EMC2: variants seen among roughly 807,000 people sequenced by gnomAD.
EMC2 encodes TPR repeat protein 35.
Under a neutral mutation model 51.6 loss-of-function variants are expected in EMC2, and 37 were observed. The ratio of observed to expected loss-of-function variants is 0.72; its 90% CI spans 0.55 to 0.94. The LOEUF is 0.94. Among genes scored for constraint, EMC2 ranks in the 40% least tolerant of loss-of-function variants. The pLI is 0.00. For synonymous variants in EMC2, 131 were observed against 112.4 expected, an observed-to-expected ratio of 1.17 and a Z score of -1.04; for missense variants, 359 against 350.9, an observed-to-expected ratio of 1.02 and a Z score of -0.18.
At chr8:108,451,393 A>C (rs1206244638) in intron 3 of EMC2, among the ~76,000 whole-genome samples, 1 of 152,186 alleles carries the variant, frequency 6.6e-6, no homozygotes, top group Non-Finnish European at 1.5e-5. Flanking sequence ...TTTATAAATC[A>C]GAAAGCAGAG....
chr8:108,450,426 A>G lies in EMC2; in HGVS notation c.155-2A>G. The G allele has an allele frequency of 6.3e-7, 1 of 1,582,606 alleles. No homozygotes were observed. Among genetic ancestry groups the G allele is most frequent in the South Asian group, 1.1e-5 (1 of 90,352 alleles). On this transcript the variant is annotated splice_acceptor_variant, in intron 2 of 10. Coordinates refer to ENST00000220853, the MANE Select transcript of EMC2 (RefSeq NM_014673.5). LOFTEE classifies it high-confidence loss of function. ...TTTTTTTCCCCCTTTATGTGTATCT[A>G]GTTTGGATCATATATGAACAGGTGA...
At chr8:108,457,370 GTGTCTATGTATTAGTCCATTTTCATGC>G (rs1165004256) in intron 5 of EMC2, among the ~76,000 whole-genome samples, 61 of 142,830 alleles carry the variant, frequency 4.3e-4, no homozygotes, top group African/African-American at 1.5e-3. Flanking sequence ...GTGTGTGTGT[GTGTCTATGTATTAGTCCATTTTCATGC>G]TGTCTATGTA....
intron 1 of EMC2, among the ~76,000 whole-genome samples, chr8:108,444,266 T>G (rs940818916): frequency 2.0e-5 from 3 of 152,218 alleles, no homozygotes; most frequent in African/African-American, 7.2e-5. Flanking sequence ...AAAACACATT[T>G]ACACACACAA....
chr8:108,470,214 G>A (rs1010424403), intron 7 of EMC2, 93 bp downstream of exon 7: 3 of 767,004 alleles, frequency 3.9e-6, no homozygotes, highest in Non-Finnish European at 6.6e-6. Flanking sequence ...TGGTGAGAGG[G>A]TGTGAATCAT....
rs1265216000 is a variant in EMC2 at position 108,488,145 on chromosome 8, T to C, written c.*1547T>C. ...GTAATAAGTAATTCAGTGCCTCTTATAGCTGTCTGCCTTAGTTTCACTTTT... is the reference window on the plus strand; with the variant it reads ...GTAATAAGTAATTCAGTGCCTCTTACAGCTGTCTGCCTTAGTTTCACTTTT... On this transcript the variant is annotated 3_prime_UTR_variant, in exon 11 of 11. Transcript: ENST00000220853. Among the ~76,000 whole-genome samples, 10 of 151,036 alleles carry C rather than the reference T, an allele frequency of 6.6e-5. No individual in the cohort carries two copies. The highest frequency in any genetic ancestry group is 1.0e-4 in the Non-Finnish European group (7 of 67,882).
At position 108,472,772 on chromosome 8, in the gene EMC2, C is replaced by T. The variant is rs188960273; in HGVS notation, c.509+2651C>T. ...CACAGTGGCAAAAACGTAGCAGTTTCGAAAATGTCAGATATATTTAACATT... is the reference window on the plus strand; with the variant it reads ...CACAGTGGCAAAAACGTAGCAGTTTTGAAAATGTCAGATATATTTAACATT... On this transcript the variant is annotated intron_variant, in intron 7 of 10. Coordinates refer to ENST00000220853, the MANE Select transcript of EMC2 (RefSeq NM_014673.5). 2.5e-4 allele frequency among the ~76,000 whole-genome samples: 38 copies of T among 151,904 alleles called. No individual in the cohort carries two copies. In the East Asian group the frequency reaches 5.4e-3, roughly 22 times the overall value.
chr8:108,475,863 C>T lies in EMC2; in HGVS notation c.510-19C>T, dbSNP rs779424694. On this transcript the variant is annotated intron_variant, in intron 7 of 10. Transcript: ENST00000220853. ...TTTGTGACTTTAAAAATTAATTTCTCCTCTTGATGTGTTTTTAGCTATGCA... is the reference window on the plus strand; with the variant it reads ...TTTGTGACTTTAAAAATTAATTTCTTCTCTTGATGTGTTTTTAGCTATGCA... 2.1e-6 allele frequency: 3 copies of T among 1,445,186 alleles called. No individual in the cohort carries two copies. Among genetic ancestry groups the T allele is most frequent in the South Asian group, 2.5e-5 (2 of 80,442 alleles). 89.5% of individuals were successfully genotyped at this position (1,445,186 alleles called of 1,614,324 possible). A position where few individuals can be genotyped will look rare whatever the true frequency, so the allele number is the denominator to read the frequency against.
chr8:108,479,877 G>T (rs1811016237), intron 10 of EMC2, among the ~76,000 whole-genome samples: 1 of 152,116 alleles, frequency 6.6e-6, no homozygotes, highest in Non-Finnish European at 1.5e-5. Context: ...GACTTCAGGT[G>T]CAGGCATCAC....
At chr8:108,443,763 G>T in intron 1 of EMC2, 65 bp downstream of exon 1, 1 of 1,418,626 alleles carries the variant, frequency 7.0e-7, no homozygotes, top group Admixed American at 1.9e-5. Flanking sequence ...GGGAGTACCC[G>T]CTGCTTTCGG....
intron 1 of EMC2, among the ~76,000 whole-genome samples, chr8:108,447,153 A>G (rs539596089): frequency 2.0e-5 from 3 of 152,290 alleles, no homozygotes; most frequent in Admixed American, 6.5e-5. Flanking sequence ...TGCATTTACA[A>G]AGGATTCTAA....
intron 2 of EMC2, 141 bp from the exon 3 acceptor site, chr8:108,450,287 A>T (rs1400867467): frequency 6.0e-5 from 38 of 635,208 alleles, no homozygotes; most frequent in Non-Finnish European, 1.0e-4. Flanking sequence ...ATGCATTCTT[A>T]GTTTCAGAGA....
chr8:108,473,051 T>C (rs1479440044), intron 7 of EMC2, among the ~76,000 whole-genome samples: 2 of 151,954 alleles, frequency 1.3e-5, no homozygotes, highest in Non-Finnish European at 2.9e-5. Flanking sequence ...TATAGTATAA[T>C]TTTCATATAG....
intron 3 of EMC2, among the ~76,000 whole-genome samples, chr8:108,452,078 A>G (rs763276461): frequency 1.3e-5 from 2 of 152,176 alleles, no homozygotes; most frequent in Non-Finnish European, 2.9e-5. Flanking sequence ...TATTTGTATC[A>G]TCTTTAACAT....
Position 108,468,349 on chromosome 8 carries a change from T to G in EMC2, c.364-1477T>G, listed in dbSNP as rs543024139. Among the ~76,000 whole-genome samples, 3 of 152,310 alleles carry G rather than the reference T, an allele frequency of 2.0e-5. No individual in the cohort carries two copies. The South Asian group carries it at 6.2e-4, about 32-fold the overall frequency. On this transcript the variant is annotated intron_variant, in intron 5 of 10. Coordinates refer to ENST00000220853, the MANE Select transcript of EMC2 (RefSeq NM_014673.5). ...TATTGTGGCACATTTTTGTTTTACT[T>G]AGTAAACTTATTTTAAAAATATTTG...
At position 108,450,423 on chromosome 8, in the gene EMC2, T is replaced by C; in HGVS notation, c.155-5T>C. On this transcript the variant is annotated splice_polypyrimidine_tract_variant and splice_region_variant and intron_variant, in intron 2 of 10. Transcript: ENST00000220853. ...CAGTTTTTTTCCCCCTTTATGTGTA[T>C]CTAGTTTGGATCATATATGAACAGG... is the stretch of plus-strand genomic sequence containing the variant. The C allele has an allele frequency of 6.3e-7, 1 of 1,578,278 alleles. No individual in the cohort carries two copies. The highest frequency in any genetic ancestry group is 8.7e-7 in the Non-Finnish European group (1 of 1,147,636).
rs1810816302 is a variant in EMC2 at position 108,469,840 on chromosome 8, T to C, written c.378T>C (p.Arg126=). The change falls in exon 6 of 11, where the codon CGT becomes CGC. Residue 126 remains arginine (R), a synonymous_variant. Coordinates refer to ENST00000220853, the MANE Select transcript of EMC2 (RefSeq NM_014673.5). ...TCAACCCACAGGCTGCAAGAAAGCG[T>C]AAGATTGCCATTCGAAAAGCCCAGG... The part of the protein sequence containing the change: ...EDPTNTAARK[R]KIAIRKAQGK... 6.2e-7 allele frequency: 1 copy of C among 1,613,260 alleles called. No homozygotes were observed. Among genetic ancestry groups the C allele is most frequent in the Non-Finnish European group, 8.5e-7 (1 of 1,179,450 alleles).
chr8:108,483,481 T>G (rs780057724), intron 10 of EMC2, among the ~76,000 whole-genome samples: 1 of 152,186 alleles, frequency 6.6e-6, no homozygotes, highest in Non-Finnish European at 1.5e-5. Context: ...TATAAATGAG[T>G]TCATAGGTTA....
At chr8:108,481,092 T>C (rs1811036870) in intron 10 of EMC2, among the ~76,000 whole-genome samples, 1 of 152,158 alleles carries the variant, frequency 6.6e-6, no homozygotes, top group Non-Finnish European at 1.5e-5. Flanking sequence ...CTTGATGACA[T>C]AGTCACATTC....
intron 5 of EMC2, among the ~76,000 whole-genome samples, chr8:108,469,076 A>T (rs1008113053): frequency 1.3e-5 from 2 of 152,112 alleles, no homozygotes; most frequent in Non-Finnish European, 2.9e-5. Flanking sequence ...AACACCCTAG[A>T]TATCCCTGTC....
Sources: gnomAD v4.1 joint callset for allele counts (sites outside exome capture counted in the v4.1 genomes callset) on GRCh38, gnomAD v4.1.1 for gene constraint, MANE v1.5 for transcripts, NCBI Gene and HGNC (gene_info 2026-07-23, HGNC 2026-07-21) for gene names.